Variants in TRAF3IP1 observed in about 807,000 individuals in gnomAD.
TRAF3IP1 encodes the protein TRAF3-interacting protein 1.
In TRAF3IP1, 53 loss-of-function variants were observed where a neutral mutation model predicts 89.9. The ratio of observed to expected loss-of-function variants is 0.59; its 90% CI spans 0.47 to 0.74. The LOEUF (loss-of-function observed/expected upper bound fraction) is 0.74, where lower values mean the gene tolerates loss of function less well. Among genes scored for constraint, TRAF3IP1 ranks in the 30% least tolerant of loss-of-function variants. The probability of loss-of-function intolerance (pLI) is 0.00; values close to 1 mark genes in which losing one functional copy is unlikely to be tolerated. For synonymous variants in TRAF3IP1, 311 were observed against 322.1 expected (o/e 0.97, Z 0.37); for missense variants, 806 against 866.1 (o/e 0.93, Z 0.87).
At chr2:238,330,459 GAAAT>G (rs1182936820) in intron 5 of TRAF3IP1, among the ~76,000 whole-genome samples, 1 of 152,198 alleles carries the variant, frequency 6.6e-6, no homozygotes, top group African/African-American at 2.4e-5. Flanking sequence ...GAAGATGTTG[GAAAT>G]CATCTTGTCT....
intron 9 of TRAF3IP1, 195 bp from the exon 10 acceptor site, chr2:238,347,260 T>C (rs946265567): frequency 3.4e-6 from 2 of 595,724 alleles, no homozygotes; most frequent in African/African-American, 3.7e-5. Context: ...GTTTGCTCTT[T>C]GTTTTTCTAT....
rs1178307291 is a variant in TRAF3IP1, at chr2:238,386,037, A to C, written c.1690-11422A>C. Reference sequence around the variant, plus strand: ...GAAAGAATTACAATTTGGGGTATACATGCAGACCAGATGGTCTTCGGTATG... The same window carrying C: ...GAAAGAATTACAATTTGGGGTATACCTGCAGACCAGATGGTCTTCGGTATG... On this transcript the variant is annotated intron_variant, in intron 15 of 16. Coordinates refer to ENST00000373327, the MANE Select transcript of TRAF3IP1 (RefSeq NM_015650.4). Among the ~76,000 whole-genome samples, 5 of 152,248 alleles carry C rather than the reference A, an allele frequency of 3.3e-5. No individual in the cohort carries two copies. The South Asian group carries it at 1.0e-3, about 31-fold the overall frequency.
intron 12 of TRAF3IP1, among the ~76,000 whole-genome samples, chr2:238,349,763 G>A (rs1230397654): frequency 6.6e-6 from 1 of 152,204 alleles, no homozygotes; most frequent in Non-Finnish European, 1.5e-5. Context: ...ATTAAAAATA[G>A]AAGGTGATCA....
chr2:238,365,956 C>T (rs1344066172), intron 15 of TRAF3IP1, among the ~76,000 whole-genome samples: 4 of 152,052 alleles, frequency 2.6e-5, no homozygotes, highest in Non-Finnish European at 4.4e-5. Context: ...TATAAAAAAT[C>T]AGACACCGGC....
intron 15 of TRAF3IP1, among the ~76,000 whole-genome samples, chr2:238,384,781 G>A (rs1700697780): frequency 6.6e-6 from 1 of 151,846 alleles, no homozygotes; most frequent in Admixed American, 6.6e-5. Flanking sequence ...TTGAACAAAA[G>A]GTTAAGAATT....
Position 238,398,910 on chromosome 2 carries a change from G to C in TRAF3IP1, c.2067G>C (p.Ser689=), listed in dbSNP as rs897164078. 6.2e-7 allele frequency: 1 copy of C among 1,600,894 alleles called. No homozygotes were observed. The change falls in exon 17 of 17, where the codon TCG becomes TCC. Residue 689 remains serine (S), a synonymous_variant. Transcript: ENST00000373327. ...TGGTATATAGTATCAATTTGACTTC[G>C]AGAAGGTGAACACTCAAAAGTTTCA... The part of the protein sequence containing the change: ...QKMVYSINLT[S]RR
chr2:238,338,530 T>A, intron 8 of TRAF3IP1, 73 bp downstream of exon 8: 1 of 839,252 alleles, frequency 1.2e-6, no homozygotes, highest in Non-Finnish European at 1.8e-6. Context: ...AATGTAGTTA[T>A]ACATTGTTAA....
rs1699173439 is a variant in TRAF3IP1 at position 238,351,851 on chromosome 2, G to GCA, written c.1452-976_1452-975insCA. Among the ~76,000 whole-genome samples the GCA allele has an allele frequency of 8.5e-6, 1 of 117,180 alleles. No homozygotes were observed. The highest frequency in any genetic ancestry group is 2.7e-4 in the South Asian group (1 of 3,720). 76.9% of individuals were successfully genotyped at this position (117,180 alleles called of 152,430 possible). ...AGGATTTTGGTGTGTGTGTGTGTGT[G>GCA]TGTGTGTGTGTGTGTGCGCGCGCGC... On this transcript the variant is annotated intron_variant, in intron 12 of 16. Coordinates refer to ENST00000373327, the MANE Select transcript of TRAF3IP1 (RefSeq NM_015650.4). This position sits in a 1 kb window ranked among gnomAD's most constrained non-coding sequence, Gnocchi z 5.2.
chr2:238,355,969 A>G, intron 14 of TRAF3IP1, 35 bp from the exon 15 acceptor site: 1 of 1,548,638 alleles, frequency 6.5e-7, no homozygotes, highest in Non-Finnish European at 8.9e-7. Flanking sequence ...GATAGAGAAT[A>G]AACTTTTAAC....
intron 3 of TRAF3IP1, among the ~76,000 whole-genome samples, chr2:238,327,073 C>T (rs993581376): frequency 6.6e-6 from 1 of 152,218 alleles, no homozygotes; most frequent in Non-Finnish European, 1.5e-5. Flanking sequence ...TCCTAGAGAC[C>T]TGCTGCTACT....
chr2:238,369,230 A>G (rs1700006545), intron 15 of TRAF3IP1, among the ~76,000 whole-genome samples: 2 of 152,186 alleles, frequency 1.3e-5, no homozygotes, highest in South Asian at 2.1e-4. Flanking sequence ...GTAAATATAT[A>G]TTTTTAACAA....
chr2:238,378,330 T>C (rs1700405096), intron 15 of TRAF3IP1, among the ~76,000 whole-genome samples: 1 of 152,230 alleles, frequency 6.6e-6, no homozygotes, highest in African/African-American at 2.4e-5. Context: ...TTTTAAAAGT[T>C]AGCATTCATT....
chr2:238,384,341 T>TATGC (rs911283346), intron 15 of TRAF3IP1, among the ~76,000 whole-genome samples: 6 of 114,866 alleles, frequency 5.2e-5, no homozygotes, highest in Non-Finnish European at 9.5e-5. Context: ...CAACCTGATG[T>TATGC]ATGTATGTAT....
In TRAF3IP1 at chr2:238,320,724, C is replaced by A. The variant is rs1237222896; in HGVS notation, c.62C>A (p.Pro21Gln). 6.9e-7 allele frequency: 1 copy of A among 1,450,858 alleles called. No homozygotes were observed. Among genetic ancestry groups the A allele is most frequent in the Non-Finnish European group, 9.2e-7 (1 of 1,090,910 alleles). 89.9% of individuals were successfully genotyped at this position (1,450,858 alleles called of 1,614,324 possible). The change falls in exon 1 of 17, where the codon CCG (proline) becomes CAG (glutamine). Residue 21 changes from proline to glutamine, a missense_variant. Around this residue, in one of 3 missense-constraint regions of TRAF3IP1, gnomAD observed 732 missense variants for 780.5 expected, o/e 0.94. Coordinates refer to ENST00000373327, the MANE Select transcript of TRAF3IP1 (RefSeq NM_015650.4). Reference sequence around the variant, plus strand: ...CTGGGGAAAGTGATTCGGAGGCCGCCGCTGACCGAGAAGCTGCTGAGCAAG... The same window carrying A: ...CTGGGGAAAGTGATTCGGAGGCCGCAGCTGACCGAGAAGCTGCTGAGCAAG... The part of the protein sequence containing the change: ...EALGKVIRRP[P>Q]LTEKLLSKPP...
Position 238,379,456 on chromosome 2 carries a change from A to G in TRAF3IP1, c.1690-18003A>G, listed in dbSNP as rs1179872934. Among the ~76,000 whole-genome samples the G allele has an allele frequency of 6.6e-6, 1 of 152,218 alleles. No homozygotes were observed. The highest frequency in any genetic ancestry group is 1.5e-5 in the Non-Finnish European group (1 of 68,034). ...ATTCTGTCTGCCTTGGCAGCCACAG[A>G]CACCTGCTCGTGTGAAGGCGGCAGC... On this transcript the variant is annotated intron_variant, in intron 15 of 16. Coordinates refer to ENST00000373327, the MANE Select transcript of TRAF3IP1 (RefSeq NM_015650.4). This position sits in a 1 kb window ranked among gnomAD's most constrained non-coding sequence, Gnocchi z 4.0.
rs1491440930 is a variant in TRAF3IP1 at position 238,329,187 on chromosome 2, G to GA, written c.761dup (p.Lys257GlufsTer44). ...CAAGAAGGAGACAGAGAGAAAGAGT[G>GA]AGGGGGGGAAAGAGAAGGAGAGACT... On this transcript the variant is annotated frameshift_variant, in exon 5 of 17. Coordinates refer to ENST00000373327, the MANE Select transcript of TRAF3IP1 (RefSeq NM_015650.4). LOFTEE classifies it high-confidence loss of function. 1.3e-6 allele frequency: 2 copies of GA among 1,567,962 alleles called. No individual in the cohort carries two copies. Among genetic ancestry groups the GA allele is most frequent in the Non-Finnish European group, 1.7e-6 (2 of 1,159,650 alleles).
Position 238,328,727 on chromosome 2 carries a change from G to C in TRAF3IP1, c.396G>C (p.Glu132Asp), listed in dbSNP as rs144577497. Reference protein sequence around the residue: ...DDAVRRVLAGEKGEVKGRASL... With the variant: ...DDAVRRVLAGDKGEVKGRASL... The stretch of plus-strand genomic sequence containing the variant: ...CGGTGCGGAGGGTTTTAGCTGGAGA[G>C]AAGGGAGAAGTGAAAGGCCGGGCCT... Residue 132 changes from glutamate to aspartate, a missense_variant, in exon 4 of 17, where the codon GAG (glutamate) becomes GAC (aspartate). By Grantham distance (45) the Glu-to-Asp change is conservative. This residue lies in a region of TRAF3IP1 where 732 missense variants were observed against 780.5 expected (regional missense o/e 0.94). Coordinates refer to ENST00000373327, the MANE Select transcript of TRAF3IP1 (RefSeq NM_015650.4). 8.9e-4 allele frequency: 1,434 copies of C among 1,614,026 alleles called. 13 individuals carry two copies. Among genetic ancestry groups the C allele is most frequent in the South Asian group, 7.4e-3 (675 of 91,074 alleles).
rs1206827108 is a variant in TRAF3IP1, at chr2:238,353,198, A to G, written c.1601A>G (p.Glu534Gly). Residue 534 changes from glutamate to glycine, a missense_variant, in exon 14 of 17, where the codon GAG becomes GGG. By Grantham distance (98) the Glu-to-Gly change is moderately conservative. Coordinates refer to ENST00000373327, the MANE Select transcript of TRAF3IP1 (RefSeq NM_015650.4). ...EMVTAVELEE[E>G]EKHGGLVKKI... ...GTAACAGCAGTGGAACTAGAAGAAG[A>G]GGAGAAGCATGGTGAGTCCTGGGCA... is the stretch of plus-strand genomic sequence containing the variant. 1 of 1,614,206 alleles carries G rather than the reference A, an allele frequency of 6.2e-7. No individual in the cohort carries two copies. Among genetic ancestry groups the G allele is most frequent in the Non-Finnish European group, 8.5e-7 (1 of 1,180,034 alleles).
chr2:238,384,732 T>A (rs919961007), intron 15 of TRAF3IP1, among the ~76,000 whole-genome samples: 3 of 151,992 alleles, frequency 2.0e-5, no homozygotes, highest in Admixed American at 6.6e-5. Flanking sequence ...ATGGCTAGAA[T>A]GGAGTTTAGA....
Sources: gnomAD v4.1 joint callset for allele counts (sites outside exome capture counted in the v4.1 genomes callset) on GRCh38, gnomAD v4.1.1 for gene constraint, gnomAD v4.1.1 regional missense constraint, Gnocchi (gnomAD v3.1) non-coding constraint, MANE v1.5 for transcripts, NCBI Gene and HGNC (gene_info 2026-07-23, HGNC 2026-07-21) for gene names.